OR56A3: variants seen among roughly 807,000 people sequenced by gnomAD.
OR56A3 encodes olfactory receptor family 56 subfamily A member 3, also known as olfactory receptor 56A3.
OR56A3 carries 23 observed loss-of-function variants against 17.5 expected under a neutral mutation model. The observed-to-expected ratio is 1.32, with a 90% CI of 0.95 to 1.87. The LOEUF is 1.87. Ranked by LOEUF, OR56A3 falls within the 40% of genes most tolerant of loss-of-function variation. The pLI, the probability that OR56A3 is intolerant of heterozygous loss-of-function variation, is 0.00. For synonymous variants in OR56A3, 175 were observed against 150.6 expected (o/e 1.16, Z -1.19); for missense variants, 366 against 380.1 (o/e 0.96, Z 0.31).
At chr11:5,965,745 T>C in the OR56A3 span, among the ~76,000 whole-genome samples, 3 of 152,164 alleles carry the variant, frequency 2.0e-5, no homozygotes, top group African/African-American at 7.2e-5. Context: ...CACACATGAC[T>C]CAAGAAGGTC....
the OR56A3 span, among the ~76,000 whole-genome samples, chr11:6,005,095 C>T: frequency 4.6e-5 from 7 of 152,060 alleles, no homozygotes; most frequent in South Asian, 2.1e-4. Context: ...TTATACTGAT[C>T]ATGTAAACCT....
At chr11:5,962,098 A>G in the OR56A3 span, among the ~76,000 whole-genome samples, 5 of 152,234 alleles carry the variant, frequency 3.3e-5, no homozygotes, top group Non-Finnish European at 7.3e-5. Context: ...TTTATCATAA[A>G]TGGAGTTTAA....
At chr11:5,962,999 C>A in the OR56A3 span, among the ~76,000 whole-genome samples, 1 of 152,196 alleles carries the variant, frequency 6.6e-6, no homozygotes, top group African/African-American at 2.4e-5. Flanking sequence ...TGATCAGAAT[C>A]ATTTCTCATG....
At chr11:5,964,476 C>T in the OR56A3 span, among the ~76,000 whole-genome samples, 3 of 152,288 alleles carry the variant, frequency 2.0e-5, no homozygotes, top group African/African-American at 7.2e-5. Context: ...GTACTCTAAG[C>T]CTATGATCTG....
chr11:5,947,551 C>A lies in OR56A3; in HGVS notation c.205C>A (p.Leu69Ile). ...LHQPLYYLLS[L>I]LSLLDIVLCL... is the part of the protein sequence containing the mutation. ...CCAGCCCCTGTACTACCTGCTCAGC[C>A]TCCTCTCCCTGCTGGACATCGTGCT... Residue 69 changes from leucine (L) to isoleucine (I), a missense_variant, in exon 3 of 3, where the codon CTC becomes ATC. Coordinates refer to ENST00000641160, the MANE Select transcript of OR56A3 (RefSeq NM_001003443.3). 6.2e-7 allele frequency: 1 copy of A among 1,614,202 alleles called. No individual in the cohort carries two copies. Among genetic ancestry groups the A allele is most frequent in the Non-Finnish European group, 8.5e-7 (1 of 1,180,036 alleles).
downstream of OR56A3, among the ~76,000 whole-genome samples, chr11:5,951,521 T>C (rs1162924562): frequency 6.6e-5 from 10 of 152,164 alleles, no homozygotes; most frequent in Admixed American, 6.5e-4. Context: ...TAGGTGTTAT[T>C]CATAAAATGT....
At chr11:6,018,125 C>G in the OR56A3 span, among the ~76,000 whole-genome samples, 3 of 151,918 alleles carry the variant, frequency 2.0e-5, no homozygotes, top group Non-Finnish European at 2.9e-5. Context: ...GGGAGGGATA[C>G]ACACCAATAC....
chr11:5,986,790 C>A, the OR56A3 span: 1 of 1,614,024 alleles, frequency 6.2e-7, no homozygotes, highest in South Asian at 1.1e-5. Flanking sequence ...TGCCCAGGGG[C>A]AGTGCAATCC....
At chr11:5,967,523 T>G in the OR56A3 span, 3 of 1,432,250 alleles carry the variant, frequency 2.1e-6, no homozygotes, top group Non-Finnish European at 2.8e-6. Context: ...AATTTCTGTT[T>G]TCAAGGTCAG....
the OR56A3 span, among the ~76,000 whole-genome samples, chr11:6,016,747 A>T: frequency 2.0e-5 from 3 of 151,930 alleles, no homozygotes; most frequent in Non-Finnish European, 4.4e-5. Context: ...GAGAACACAG[A>T]TAAATAATAC....
the OR56A3 span, chr11:6,020,320 A>T: frequency 6.6e-6 from 1 of 152,160 alleles, no homozygotes; most frequent in Admixed American, 6.6e-5. Flanking sequence ...TGAATTTTAA[A>T]ATAGTTTTTT....
chr11:5,967,956 C>A, the OR56A3 span: 6 of 1,594,162 alleles, frequency 3.8e-6, no homozygotes, highest in Non-Finnish European at 8.6e-7. Flanking sequence ...AGTACAGATG[C>A]AGTTCTTGAT....
the OR56A3 span, among the ~76,000 whole-genome samples, chr11:5,996,209 C>T: frequency 3.0e-4 from 45 of 152,152 alleles, no homozygotes; most frequent in East Asian, 7.5e-3. Context: ...GTAATATATA[C>T]ACATATATGT....
At chr11:5,985,210 G>A in the OR56A3 span, among the ~76,000 whole-genome samples, 1 of 152,056 alleles carries the variant, frequency 6.6e-6, no homozygotes, top group East Asian at 1.9e-4. Context: ...GTTTTTTAAT[G>A]AATATTTATA....
chr11:5,999,369 A>G, the OR56A3 span: 1 of 152,232 alleles, frequency 6.6e-6, no homozygotes, highest in South Asian at 2.1e-4. Context: ...TTTAATGTGT[A>G]TATACTTACT....
the OR56A3 span, among the ~76,000 whole-genome samples, chr11:6,010,472 A>G: frequency 1.3e-5 from 2 of 152,220 alleles, no homozygotes; most frequent in African/African-American, 4.8e-5. Context: ...TAAAAGAGCT[A>G]GAGGAAACTA....
chr11:5,946,038 C>A (rs1486680787), intron 2 of OR56A3, among the ~76,000 whole-genome samples: 1 of 152,168 alleles, frequency 6.6e-6, no homozygotes, highest in African/African-American at 2.4e-5. Flanking sequence ...AATAAAACTG[C>A]ATGATTTGGA....
the OR56A3 span, chr11:5,994,268 A>C: frequency 3.4e-6 from 2 of 595,500 alleles, no homozygotes; most frequent in Admixed American, 2.0e-5. Flanking sequence ...TGGACTGTAC[A>C]TCTCAGCTCC....
At chr11:5,994,482 C>A in the OR56A3 span, 3 of 758,854 alleles carry the variant, frequency 4.0e-6, no homozygotes, top group South Asian at 4.0e-5. Flanking sequence ...CCAGAGCTGG[C>A]AATCTGAGCT....
Sources: gnomAD v4.1 joint callset for allele counts (sites outside exome capture counted in the v4.1 genomes callset) on GRCh38, gnomAD v4.1.1 for gene constraint, MANE v1.5 for transcripts, NCBI Gene and HGNC (gene_info 2026-07-23, HGNC 2026-07-21) for gene names.